The following MARS1 variants were observed in gnomAD, a reference collection of about 807,000 sequenced individuals.
The protein encoded by MARS1 is methionyl-tRNA synthetase 1, also known as methionine--tRNA ligase, cytoplasmic.
A neutral mutation model predicts 119.5 loss-of-function variants in MARS1; 80 were observed. The observed-to-expected ratio is 0.67, with a 90% CI of 0.56 to 0.81. The LOEUF (loss-of-function observed/expected upper bound fraction) is 0.81, where lower values mean the gene tolerates loss of function less well. Ranked by LOEUF, MARS1 falls within the 30% of genes least tolerant of loss-of-function variation. The probability of loss-of-function intolerance (pLI) is 0.00; values close to 1 mark genes in which losing one functional copy is unlikely to be tolerated. For synonymous variants in MARS1, 418 were observed against 433.4 expected (o/e 0.96, Z 0.44); for missense variants, 945 against 1,116.5 (o/e 0.85, Z 2.19).
Position 57,516,424 on chromosome 12 carries a change from C to T in MARS1, c.2557-11C>T, listed in dbSNP as rs2140039574. ...GCCTCACTGTTACCTCCCCACCCCC[C>T]TTTATCTTAGGGAAACATTGTCCGA... On this transcript the variant is annotated splice_polypyrimidine_tract_variant and intron_variant, in intron 20 of 20. Coordinates refer to ENST00000262027, the MANE Select transcript of MARS1 (RefSeq NM_004990.4). 1 of 1,613,020 alleles carries T rather than the reference C, an allele frequency of 6.2e-7. No individual in the cohort carries two copies. The highest frequency in any genetic ancestry group is 2.2e-5 in the East Asian group (1 of 44,860).
At chr12:57,506,331 G>C (rs1288501553) in intron 11 of MARS1, among the ~76,000 whole-genome samples, 1 of 152,128 alleles carries the variant, frequency 6.6e-6, no homozygotes, top group Non-Finnish European at 1.5e-5. Context: ...GGGAGGCTAA[G>C]GTAGGAGGGT....
In MARS1 at chr12:57,505,175, T is replaced by C. The variant is rs567365618; in HGVS notation, c.1368+876T>C. 8.7e-4 allele frequency among the ~76,000 whole-genome samples: 132 copies of C among 151,848 alleles called. 1 individual carries two copies. Among genetic ancestry groups the C allele is most frequent in the Middle Eastern group, 6.8e-3 (2 of 294 alleles). On this transcript the variant is annotated intron_variant, in intron 11 of 20. Transcript: ENST00000262027. ...TGACCTCCTGATTTGTTTTTTTTTT[T>C]TTTGAGATGGAGCTTCTCTCTTGTT...
chr12:57,496,484 T>G (rs931170353), intron 7 of MARS1, among the ~76,000 whole-genome samples: 10 of 151,996 alleles, frequency 6.6e-5, no homozygotes, highest in African/African-American at 2.4e-4. Context: ...CTTTCAAGGC[T>G]CATATAGAAT....
chr12:57,503,069 G>A (rs1242495323), intron 10 of MARS1, among the ~76,000 whole-genome samples: 1 of 152,022 alleles, frequency 6.6e-6, no homozygotes, highest in Admixed American at 6.6e-5. Flanking sequence ...CTACTACAAA[G>A]CCCTCTCTGA....
In MARS1 at chr12:57,512,838, C is replaced by T. The variant is rs746119509; in HGVS notation, c.1841C>T (p.Ala614Val). Reference protein sequence around the residue: ...GDMAQDTGIPADIWRFYLLYI... With the variant: ...GDMAQDTGIPVDIWRFYLLYI... ...ATGGCCCAGGACACGGGGATCCCTG[C>T]TGACATCTGGCGCTTCTATCTGCTG... Residue 614 changes from alanine (A) to valine (V), a missense_variant, in exon 15 of 21, where the codon GCT (alanine) becomes GTT (valine). Physicochemically the swap from Ala to Val is moderately conservative, Grantham distance 64 (BLOSUM62 0). Transcript: ENST00000262027. The T allele has an allele frequency of 2.5e-6, 4 of 1,614,230 alleles. No individual in the cohort carries two copies. The highest frequency in any genetic ancestry group is 2.5e-6 in the Non-Finnish European group (3 of 1,180,040).
intron 15 of MARS1, among the ~76,000 whole-genome samples, chr12:57,514,268 C>T (rs1389709848): frequency 6.6e-6 from 1 of 150,812 alleles, no homozygotes; most frequent in Non-Finnish European, 1.5e-5. Context: ...AGCAATTCTC[C>T]TGCCTCAGCC....
chr12:57,491,699 G>C (rs141691091), intron 7 of MARS1, among the ~76,000 whole-genome samples: 1 of 152,212 alleles, frequency 6.6e-6, no homozygotes, highest in African/African-American at 2.4e-5. Flanking sequence ...AATTCACAAG[G>C]CCCCTGACTG....
chr12:57,495,865 C>T (rs474738), intron 7 of MARS1, among the ~76,000 whole-genome samples: 2,061 of 152,308 alleles, frequency 0.014, 19 homozygotes, highest in Middle Eastern at 0.017. Flanking sequence ...TCAGGTGTGG[C>T]GGCGCGCGCC....
chr12:57,509,886 C>T (rs1455066207), intron 11 of MARS1, among the ~76,000 whole-genome samples: 1 of 152,178 alleles, frequency 6.6e-6, no homozygotes, highest in Non-Finnish European at 1.5e-5. Flanking sequence ...TACAATATAC[C>T]TAAAACAATT....
At chr12:57,504,488 G>C (rs750037902) in intron 11 of MARS1, among the ~76,000 whole-genome samples, 189 bp downstream of exon 11, 3 of 152,120 alleles carry the variant, frequency 2.0e-5, no homozygotes, top group African/African-American at 4.8e-5. Flanking sequence ...CTTGCGAGAG[G>C]TATTTACTAC....
At position 57,489,096 on chromosome 12, in the gene MARS1, A is replaced by G. The variant is rs1333896417; in HGVS notation, c.187A>G (p.Ser63Gly). 6.2e-7 allele frequency: 1 copy of G among 1,613,508 alleles called. No individual in the cohort carries two copies. The highest frequency in any genetic ancestry group is 8.5e-7 in the Non-Finnish European group (1 of 1,179,944). Residue 63 changes from serine (S) to glycine (G), a missense_variant, in exon 2 of 21, where the codon AGT becomes GGT. By Grantham distance (56) the Ser-to-Gly change is moderately conservative (BLOSUM62 0). Transcript: ENST00000262027. ...TAGCGGCAACTACCTCTTCTCCACTAGTGCAATCTGCCGGTCAGTATTGGT... is the reference window on the plus strand; with the variant it reads ...TAGCGGCAACTACCTCTTCTCCACTGGTGCAATCTGCCGGTCAGTATTGGT... The part of the protein sequence containing the change: ...LDSGNYLFST[S>G]AICRYFFLLS...
chr12:57,491,369 C>G (rs146010468), intron 7 of MARS1, among the ~76,000 whole-genome samples: 57 of 152,274 alleles, frequency 3.7e-4, no homozygotes, highest in African/African-American at 1.3e-3. Flanking sequence ...TATTTATTCA[C>G]CTGCCTTTGT....
In MARS1 at chr12:57,502,729, AC is replaced by A. The variant is rs201740211; in HGVS notation, c.1294-1495del. On this transcript the variant is annotated intron_variant, in intron 10 of 20. Transcript: ENST00000262027. The stretch of plus-strand genomic sequence containing the variant: ...TCAAAAAAAAAAAAAAAAAGCAACA[AC>A]AACAAAAAAAAAACAAGCCAGGCAC... 5.1e-4 allele frequency among the ~76,000 whole-genome samples: 68 copies of A among 132,794 alleles called. 3 individuals carry two copies. The highest frequency in any genetic ancestry group is 3.0e-3 in the East Asian group (13 of 4,316). The allele number at this position is 132,794 out of a possible 152,430, so 87.1% of individuals were successfully genotyped here.
At chr12:57,511,498 G>C (rs1249941386) in intron 11 of MARS1, 200 bp from the exon 12 acceptor site, 1 of 586,314 alleles carries the variant, frequency 1.7e-6, no homozygotes, top group Admixed American at 3.0e-5. Flanking sequence ...GATTGCTTGA[G>C]CCCAGGAGGT....
intron 1 of MARS1, 190 bp downstream of exon 1, chr12:57,488,389 C>T (rs1054701915): frequency 2.5e-5 from 18 of 717,340 alleles, no homozygotes; most frequent in Non-Finnish European, 3.4e-5. Context: ...TAATTACCCT[C>T]AATATAATAC....
At chr12:57,504,037 T>C (rs1877060977) in intron 10 of MARS1, 188 bp from the exon 11 acceptor site, 3 of 590,768 alleles carry the variant, frequency 5.1e-6, no homozygotes, top group Middle Eastern at 4.5e-4. Flanking sequence ...TGAGAACAAA[T>C]GGAGTTATAC....
At chr12:57,490,741 T>A in intron 7 of MARS1, 97 bp downstream of exon 7, 2 of 831,912 alleles carry the variant, frequency 2.4e-6, no homozygotes, top group Non-Finnish European at 3.9e-6. Context: ...TGCTGATCTC[T>A]CTTTAATTTT....
intron 11 of MARS1, among the ~76,000 whole-genome samples, chr12:57,508,049 C>T (rs1277208027): frequency 1.3e-5 from 2 of 152,178 alleles, no homozygotes; most frequent in East Asian, 3.9e-4. Context: ...GCGCTCCCCA[C>T]ATCTCAGACG....
At position 57,500,490 on chromosome 12, in the gene MARS1, T is replaced by C. The variant is rs751129809; in HGVS notation, c.1261T>C (p.Cys421Arg). 4 of 1,614,114 alleles carry C rather than the reference T, an allele frequency of 2.5e-6. No individual in the cohort carries two copies. In the Admixed American group the frequency reaches 5.0e-5, roughly 20 times the overall value. ...EEARGDQCDK[C>R]GKLINAVELK... ...GGCTCGGGGTGACCAGTGTGACAAG[T>C]GTGGCAAGCTCATCAATGCTGTCGA... is the stretch of plus-strand genomic sequence containing the variant. The change falls in exon 10 of 21, where the codon TGT (cysteine) becomes CGT (arginine). Residue 421 changes from cysteine (C) to arginine (R), a missense_variant. Cys to Arg is a radical substitution (Grantham distance 180). Transcript: ENST00000262027.
Sources: gnomAD v4.1 joint callset for allele counts (sites outside exome capture counted in the v4.1 genomes callset) on GRCh38, gnomAD v4.1.1 for gene constraint, MANE v1.5 for transcripts, NCBI Gene and HGNC (gene_info 2026-07-23, HGNC 2026-07-21) for gene names.